Variants in STXBP5L observed in about 807,000 individuals in gnomAD.
STXBP5L encodes the protein syntaxin-binding protein 5-like.
STXBP5L carries 65 observed loss-of-function variants against 144.5 expected under a neutral mutation model. The ratio of observed to expected loss-of-function variants is 0.45; its 90% CI spans 0.37 to 0.55. The LOEUF is 0.55. Among genes scored for constraint, STXBP5L ranks in the 20% least tolerant of loss-of-function variants. STXBP5L has a pLI of 0.00. For missense variants in STXBP5L, 1,298 were observed against 1,405.5 expected, an observed-to-expected ratio of 0.92 and a Z score of 1.22; for synonymous variants, 505 against 469.6, an observed-to-expected ratio of 1.08 and a Z score of -0.97.
At chr3:121,284,349 T>G (rs1411828772) in intron 19 of STXBP5L, among the ~76,000 whole-genome samples, 2 of 152,054 alleles carry the variant, frequency 1.3e-5, no homozygotes, top group Non-Finnish European at 2.9e-5. Context: ...AAAGTTTACT[T>G]TCTATAGTAA....
At chr3:121,219,045 G>C (rs887640502) in intron 10 of STXBP5L, among the ~76,000 whole-genome samples, 1 of 152,026 alleles carries the variant, frequency 6.6e-6, no homozygotes, top group Non-Finnish European at 1.5e-5. Flanking sequence ...ATACAACTAT[G>C]TGTAAATTAA....
intron 3 of STXBP5L, among the ~76,000 whole-genome samples, chr3:121,000,263 G>T (rs1346857164): frequency 1.3e-5 from 2 of 151,858 alleles, no homozygotes; most frequent in African/African-American, 2.4e-5. Context: ...CATAGATTTG[G>T]TCTATAAAAA....
At chr3:121,345,372 TG>T (rs796192732) in intron 20 of STXBP5L, among the ~76,000 whole-genome samples, 9 of 152,322 alleles carry the variant, frequency 5.9e-5, no homozygotes, top group African/African-American at 1.9e-4. Flanking sequence ...TATTCCATGC[TG>T]TATATGTGCC....
At chr3:121,119,726 GC>G (rs2044377545) in intron 6 of STXBP5L, among the ~76,000 whole-genome samples, 1 of 151,242 alleles carries the variant, frequency 6.6e-6, no homozygotes, top group Non-Finnish European at 1.5e-5. Flanking sequence ...TAGGGAACAA[GC>G]CAGAAGAAAT....
chr3:121,274,106 G>T (rs1485092532), intron 18 of STXBP5L, among the ~76,000 whole-genome samples: 1 of 152,092 alleles, frequency 6.6e-6, no homozygotes, highest in African/African-American at 2.4e-5. Flanking sequence ...TAGCTATTGT[G>T]TTCCTTTGCC....
In STXBP5L at chr3:121,239,087, T is replaced by G. The variant is rs572169555; in HGVS notation, c.1301T>G (p.Val434Gly). 6 of 1,591,316 alleles carry G rather than the reference T, an allele frequency of 3.8e-6. No individual in the cohort carries two copies. In the South Asian group the frequency reaches 6.9e-5, roughly 18 times the overall value. Reference sequence around the variant, plus strand: ...ATTCTAGTACTGTATTCTATAGGAGTCAAGCATAAAAAACAAGGATACAGT... The same window carrying G: ...ATTCTAGTACTGTATTCTATAGGAGGCAAGCATAAAAAACAAGGATACAGT... ...DLILVLYSIG[V>G]KHKKQGYSNK... Residue 434 changes from valine to glycine, a missense_variant, in exon 13 of 27, where the codon GTC becomes GGC. By Grantham distance (109) the Val-to-Gly change is moderately radical. Coordinates refer to ENST00000471454, the MANE Select transcript of STXBP5L (RefSeq NM_001308330.2).
At chr3:120,966,216 G>A (rs190473517) in intron 3 of STXBP5L, among the ~76,000 whole-genome samples, 2 of 152,232 alleles carry the variant, frequency 1.3e-5, no homozygotes, top group East Asian at 3.9e-4. Context: ...CCTTGCAATG[G>A]GTTCAAACAT....
intron 9 of STXBP5L, among the ~76,000 whole-genome samples, chr3:121,202,311 C>G (rs1219696420): frequency 6.6e-6 from 1 of 152,016 alleles, no homozygotes; most frequent in Non-Finnish European, 1.5e-5. Context: ...TTTCCTTGTT[C>G]CAATACAGCT....
chr3:120,925,572 G>T (rs187173207), intron 2 of STXBP5L, among the ~76,000 whole-genome samples: 5 of 152,156 alleles, frequency 3.3e-5, no homozygotes, highest in Non-Finnish European at 5.9e-5. Context: ...ATATAGTTGG[G>T]TCTTGTATCT....
intron 5 of STXBP5L, among the ~76,000 whole-genome samples, chr3:121,064,494 T>G (rs533126687): frequency 7.9e-4 from 120 of 152,212 alleles, no homozygotes; most frequent in Non-Finnish European, 1.4e-3. Flanking sequence ...TGTGAGATTT[T>G]GATTAGAACT....
At position 121,250,775 on chromosome 3, in the gene STXBP5L, G is replaced by T; in HGVS notation, c.1441+12G>T. 1 of 1,608,570 alleles carries T rather than the reference G, an allele frequency of 6.2e-7. No individual in the cohort carries two copies. The highest frequency in any genetic ancestry group is 8.5e-7 in the Non-Finnish European group (1 of 1,176,934). On this transcript the variant is annotated intron_variant, in intron 15 of 26. Coordinates refer to ENST00000471454, the MANE Select transcript of STXBP5L (RefSeq NM_001308330.2). ...GGATGCTTCTGCAAGTAAGTTTCAA[G>T]TTTCTGTACAACAGAAACCAATTGG...
chr3:120,951,531 G>A (rs965962070), intron 2 of STXBP5L, among the ~76,000 whole-genome samples: 2 of 152,076 alleles, frequency 1.3e-5, no homozygotes, highest in African/African-American at 4.8e-5. Context: ...AGACATTTAT[G>A]CAGCCAAAAA....
chr3:121,044,868 G>A (rs986866536), intron 4 of STXBP5L, among the ~76,000 whole-genome samples: 1 of 152,108 alleles, frequency 6.6e-6, no homozygotes, highest in Non-Finnish European at 1.5e-5. Flanking sequence ...CTAAATTCTA[G>A]TTGGAGAAAT....
chr3:121,045,138 A>G (rs956105131), intron 4 of STXBP5L, among the ~76,000 whole-genome samples: 2 of 152,070 alleles, frequency 1.3e-5, no homozygotes, highest in South Asian at 2.1e-4. Context: ...TTTTTTCCCA[A>G]AGAAAAACCT....
intron 20 of STXBP5L, among the ~76,000 whole-genome samples, chr3:121,348,270 C>T (rs1039588418): frequency 2.6e-5 from 4 of 152,012 alleles, no homozygotes; most frequent in Admixed American, 1.3e-4. Context: ...TATTGACTTG[C>T]ATATGTTGAA....
intron 19 of STXBP5L, among the ~76,000 whole-genome samples, chr3:121,298,171 G>A (rs2051735532): frequency 6.6e-6 from 1 of 151,900 alleles, no homozygotes; most frequent in Non-Finnish European, 1.5e-5. Context: ...TGTTTGTTTT[G>A]TTTTTTATAA....
At chr3:121,302,381 G>T (rs1362121932) in intron 19 of STXBP5L, among the ~76,000 whole-genome samples, 3 of 152,102 alleles carry the variant, frequency 2.0e-5, no homozygotes, top group African/African-American at 7.2e-5. Flanking sequence ...TGTGGGATTG[G>T]TGGTGATATC....
chr3:121,167,190 C>T (rs2046532189), intron 9 of STXBP5L, among the ~76,000 whole-genome samples: 1 of 152,126 alleles, frequency 6.6e-6, no homozygotes, highest in African/African-American at 2.4e-5. Flanking sequence ...CCTCCACACA[C>T]ACATAAATGA....
intron 3 of STXBP5L, among the ~76,000 whole-genome samples, chr3:121,004,018 G>T (rs1439776321): frequency 6.6e-6 from 1 of 152,060 alleles, no homozygotes; most frequent in Non-Finnish European, 1.5e-5. Context: ...GCTTAGGATT[G>T]ACTTGGCAAT....
Sources: gnomAD v4.1 joint callset for allele counts (sites outside exome capture counted in the v4.1 genomes callset) on GRCh38, gnomAD v4.1.1 for gene constraint, MANE v1.5 for transcripts, NCBI Gene and HGNC (gene_info 2026-07-23, HGNC 2026-07-21) for gene names.